The following PTGFRN variants were observed in gnomAD, a reference collection of about 807,000 sequenced individuals.
The protein encoded by PTGFRN is prostaglandin F2 receptor inhibitor, also known as prostaglandin F2 receptor negative regulator.
Under a neutral mutation model 83.2 loss-of-function variants are expected in PTGFRN, and 35 were observed. The observed-to-expected ratio is 0.42, with a 90% confidence interval of 0.32 to 0.56. The LOEUF is 0.56. Among genes scored for constraint, PTGFRN ranks in the 20% least tolerant of loss-of-function variants. PTGFRN has a pLI of 0.11. For missense variants in PTGFRN, 1,051 were observed against 1,179.5 expected, an observed-to-expected ratio of 0.89 and a Z score of 1.60; for synonymous variants, 519 against 498.6, an observed-to-expected ratio of 1.04 and a Z score of -0.55.
At chr1:116,965,087 C>T (rs915749284) in intron 5 of PTGFRN, among the ~76,000 whole-genome samples, 4 of 152,134 alleles carry the variant, frequency 2.6e-5, no homozygotes, top group Non-Finnish European at 5.9e-5. Context: ...ACATTACCTT[C>T]TGGCCTCACC....
chr1:116,963,738 G>A (rs1192197745), intron 5 of PTGFRN, among the ~76,000 whole-genome samples: 1 of 151,818 alleles, frequency 6.6e-6, no homozygotes, highest in African/African-American at 2.4e-5. Flanking sequence ...CTCCCGAGCG[G>A]TTGGGACTGC....
chr1:116,983,972 T>G (rs1160637310), intron 7 of PTGFRN, among the ~76,000 whole-genome samples: 2 of 152,256 alleles, frequency 1.3e-5, no homozygotes, highest in East Asian at 3.8e-4. Context: ...CTTTCTCTTA[T>G]GCCCATATTA....
At chr1:116,960,383 G>A (rs2101075579) in intron 4 of PTGFRN, among the ~76,000 whole-genome samples, 1 of 152,290 alleles carries the variant, frequency 6.6e-6, no homozygotes, top group African/African-American at 2.4e-5. Context: ...GGGCAAAGGA[G>A]GACAGAACCA....
chr1:116,965,171 C>T (rs12062133), intron 5 of PTGFRN, among the ~76,000 whole-genome samples: 6,890 of 152,282 alleles, frequency 0.045, 511 homozygotes, highest in African/African-American at 0.16. Context: ...CAAGTGTGCT[C>T]CGGCCTTGTA....
intron 1 of PTGFRN, among the ~76,000 whole-genome samples, chr1:116,916,073 A>G (rs1649397047): frequency 6.6e-6 from 1 of 152,206 alleles, no homozygotes; most frequent in Non-Finnish European, 1.5e-5. Context: ...GCTGGAGATC[A>G]TGGCTCTGTG....
intron 6 of PTGFRN, among the ~76,000 whole-genome samples, chr1:116,973,537 G>A (rs1570675769): frequency 6.7e-6 from 1 of 148,506 alleles, no homozygotes; most frequent in Non-Finnish European, 1.5e-5. Context: ...TCCAGGAAGT[G>A]GAGGTTGCAG....
At chr1:116,946,580 T>C (rs1029830209) in intron 3 of PTGFRN, among the ~76,000 whole-genome samples, 2 of 152,218 alleles carry the variant, frequency 1.3e-5, no homozygotes, top group Non-Finnish European at 2.9e-5. Flanking sequence ...AAACACACCA[T>C]GAGACCTATA....
At chr1:116,979,112 C>T (rs1273687047) in intron 7 of PTGFRN, among the ~76,000 whole-genome samples, 3 of 152,016 alleles carry the variant, frequency 2.0e-5, no homozygotes, top group Non-Finnish European at 4.4e-5. Context: ...AGTGAACTCC[C>T]ATTCACAGTT....
At chr1:116,980,903 AG>A (rs1651300773) in intron 7 of PTGFRN, among the ~76,000 whole-genome samples, 1 of 152,226 alleles carries the variant, frequency 6.6e-6, no homozygotes, top group African/African-American at 2.4e-5. Context: ...TTGGCAACCT[AG>A]ATGAGGACAT....
At chr1:116,974,990 A>G (rs1287134545) in intron 7 of PTGFRN, among the ~76,000 whole-genome samples, 1 of 152,216 alleles carries the variant, frequency 6.6e-6, no homozygotes, top group Non-Finnish European at 1.5e-5. Flanking sequence ...GGAAGCTGTG[A>G]CAGACAGCAC....
intron 1 of PTGFRN, among the ~76,000 whole-genome samples, chr1:116,917,774 A>G (rs1649440212): frequency 6.6e-6 from 1 of 151,994 alleles, no homozygotes; most frequent in African/African-American, 2.4e-5. Flanking sequence ...GGACTGCACA[A>G]CCAGGCCTGG....
intron 3 of PTGFRN, among the ~76,000 whole-genome samples, chr1:116,945,593 CT>C (rs1650176685): frequency 6.6e-6 from 1 of 152,158 alleles, no homozygotes; most frequent in African/African-American, 2.4e-5. Context: ...CTAGGCCTGC[CT>C]TTCGGTCCCC....
chr1:116,927,525 CTTT>C (rs1171564821), intron 1 of PTGFRN, among the ~76,000 whole-genome samples: 17 of 124,370 alleles, frequency 1.4e-4, no homozygotes, highest in Admixed American at 3.1e-4. Context: ...CCTTGCTTAC[CTTT>C]TTTTTTTTTT....
chr1:116,942,238 T>A (rs1289854201), intron 2 of PTGFRN, among the ~76,000 whole-genome samples, 155 bp downstream of exon 2: 4 of 152,160 alleles, frequency 2.6e-5, no homozygotes, highest in Non-Finnish European at 5.9e-5. Flanking sequence ...TGTCTTAAAA[T>A]TTAAAAATCA....
chr1:116,953,621 C>A (rs762433778), intron 4 of PTGFRN, among the ~76,000 whole-genome samples: 24 of 151,894 alleles, frequency 1.6e-4, no homozygotes, highest in Non-Finnish European at 3.1e-4. Flanking sequence ...TCTTCCCCAC[C>A]AAGTTCTTAA....
At chr1:116,974,103 T>C (rs1651075377) in intron 6 of PTGFRN, 113 bp from the exon 7 acceptor site, 4 of 779,700 alleles carry the variant, frequency 5.1e-6, no homozygotes, top group Non-Finnish European at 8.4e-6. Flanking sequence ...TGTGAGTTTC[T>C]AGACCAGTTC....
chr1:116,912,626 T>C (rs1008553322), intron 1 of PTGFRN, among the ~76,000 whole-genome samples: 3 of 152,198 alleles, frequency 2.0e-5, no homozygotes, highest in African/African-American at 7.2e-5. Flanking sequence ...TCTTCCTGGT[T>C]GATTATTTCC....
intron 1 of PTGFRN, among the ~76,000 whole-genome samples, chr1:116,916,705 C>T (rs1055991146): frequency 2.0e-5 from 3 of 152,192 alleles, no homozygotes; most frequent in African/African-American, 7.2e-5. Context: ...AACTACAGCC[C>T]TTTAGCCCTA....
chr1:116,938,506 C>T (rs1649978549), intron 1 of PTGFRN, among the ~76,000 whole-genome samples: 1 of 152,188 alleles, frequency 6.6e-6, no homozygotes, highest in Non-Finnish European at 1.5e-5. Flanking sequence ...TCTCACGAGA[C>T]TTACTCATTA....
Sources: gnomAD v4.1 joint callset for allele counts (sites outside exome capture counted in the v4.1 genomes callset) on GRCh38, gnomAD v4.1.1 for gene constraint, MANE v1.5 for transcripts, NCBI Gene and HGNC (gene_info 2026-07-23, HGNC 2026-07-21) for gene names.